Variants in CEP162 observed in about 807,000 individuals in gnomAD.
The protein encoded by CEP162 is centrosomal protein of 162 kDa.
Under a neutral mutation model 169.2 loss-of-function variants are expected in CEP162, and 141 were observed. The observed-to-expected ratio is 0.83, with a 90% CI of 0.73 to 0.96. The LOEUF is 0.96. CEP162 is among the 40% of genes least tolerant of loss of function. The pLI is 0.00. For missense variants in CEP162, 1,600 were observed against 1,587.2 expected, an observed-to-expected ratio of 1.01 and a Z score of -0.14; for synonymous variants, 540 against 526.4, an observed-to-expected ratio of 1.03 and a Z score of -0.35.
chr6:84,163,715 C>T (rs903167369), intron 18 of CEP162, among the ~76,000 whole-genome samples: 3 of 151,918 alleles, frequency 2.0e-5, no homozygotes, highest in Non-Finnish European at 4.4e-5. Context: ...CCTGTAATCT[C>T]AGTACTTTGG....
chr6:84,143,501 G>T (rs2129195423), intron 25 of CEP162, among the ~76,000 whole-genome samples: 1 of 152,102 alleles, frequency 6.6e-6, no homozygotes, highest in Middle Eastern at 3.4e-3. Flanking sequence ...TATGAGGAAT[G>T]AAGATGTGTT....
At chr6:84,189,746 G>A (rs1394635355) in intron 11 of CEP162, among the ~76,000 whole-genome samples, 2 of 152,252 alleles carry the variant, frequency 1.3e-5, no homozygotes, top group Non-Finnish European at 2.9e-5. Flanking sequence ...CAAGGGCTGA[G>A]GAATGCGAGC....
chr6:84,190,724 C>T (rs1185529715), intron 11 of CEP162, among the ~76,000 whole-genome samples: 3 of 152,196 alleles, frequency 2.0e-5, no homozygotes, highest in African/African-American at 4.8e-5. Flanking sequence ...ACTCCAGACG[C>T]GCCACCTTAA....
intron 21 of CEP162, among the ~76,000 whole-genome samples, chr6:84,159,522 T>TA (rs1491111318): frequency 0.035 from 2,612 of 74,526 alleles, 100 homozygotes; most frequent in Non-Finnish European, 0.043. Flanking sequence ...AAATTAATTA[T>TA]TTATATATAT....
intron 25 of CEP162, among the ~76,000 whole-genome samples, chr6:84,127,331 T>TA (rs1295707785): frequency 6.6e-6 from 1 of 152,070 alleles, no homozygotes; most frequent in Non-Finnish European, 1.5e-5. Flanking sequence ...ATACTAATAC[T>TA]AAAAAATCCC....
At position 84,182,956 on chromosome 6, in the gene CEP162, C is replaced by T. The variant is rs537543719; in HGVS notation, c.1663+2231G>A. On this transcript the variant is annotated intron_variant, in intron 13 of 26. Transcript: ENST00000403245. Reference sequence around the variant, plus strand: ...CTCAAACTCTGCTTCTTGGAGAACTCAACCTTTGACAAGTAACCACTATCC... The same window carrying T: ...CTCAAACTCTGCTTCTTGGAGAACTTAACCTTTGACAAGTAACCACTATCC... Among the ~76,000 whole-genome samples, 3 of 152,222 alleles carry T rather than the reference C, an allele frequency of 2.0e-5. No individual in the cohort carries two copies. The South Asian group carries it at 6.2e-4, about 32-fold the overall frequency.
chr6:84,226,207 G>T lies in CEP162; in HGVS notation c.57+130C>A, dbSNP rs1588907123. On this transcript the variant is annotated intron_variant, in intron 2 of 26. Coordinates refer to ENST00000403245, the MANE Select transcript of CEP162 (RefSeq NM_014895.4). Reference sequence around the variant, plus strand: ...ACTGAACTAGCAGTGGCAGAAAAGGGACAGGGCTAGAGGGATGATGGGAAT... The same window carrying T: ...ACTGAACTAGCAGTGGCAGAAAAGGTACAGGGCTAGAGGGATGATGGGAAT... The T allele has an allele frequency of 7.8e-6, 5 of 643,836 alleles. No homozygotes were observed. In the African/African-American group the frequency reaches 9.1e-5, roughly 12 times the overall value. The allele number at this position is 643,836 out of a possible 1,614,324, so 39.9% of individuals were successfully genotyped here.
chr6:84,136,477 A>G (rs189672689), intron 25 of CEP162, among the ~76,000 whole-genome samples: 63 of 152,354 alleles, frequency 4.1e-4, no homozygotes, highest in African/African-American at 1.5e-3. Context: ...CTGCTTGAAC[A>G]TCAACTAAAT....
rs376942380 is a variant in CEP162 at position 84,195,090 on chromosome 6, G to C, written c.836-15C>G. ...ATAAGAAACACCTGTTGAAATAAACGTAATCACCAGAAATAATTACATCAC... is the reference window on the plus strand; with the variant it reads ...ATAAGAAACACCTGTTGAAATAAACCTAATCACCAGAAATAATTACATCAC... On this transcript the variant is annotated splice_polypyrimidine_tract_variant and intron_variant, in intron 9 of 26. Coordinates refer to ENST00000403245, the MANE Select transcript of CEP162 (RefSeq NM_014895.4). 3 of 1,531,128 alleles carry C rather than the reference G, an allele frequency of 2.0e-6. No homozygotes were observed. In the African/African-American group the frequency reaches 4.2e-5, roughly 21 times the overall value. The allele number at this position is 1,531,128 out of a possible 1,614,324, so 94.8% of individuals were successfully genotyped here. A position where few individuals can be genotyped will look rare whatever the true frequency, so the allele number is the denominator to read the frequency against.
intron 17 of CEP162, among the ~76,000 whole-genome samples, chr6:84,170,911 G>T (rs985707126): frequency 6.6e-6 from 1 of 152,120 alleles, no homozygotes; most frequent in Non-Finnish European, 1.5e-5. Context: ...ACTTACAGGT[G>T]CTCCTTTAAA....
At chr6:84,143,351 T>C (rs1304638474) in intron 25 of CEP162, among the ~76,000 whole-genome samples, 3 of 152,016 alleles carry the variant, frequency 2.0e-5, no homozygotes, top group Non-Finnish European at 4.4e-5. Flanking sequence ...CATGGCTGCT[T>C]TGTAGTTTTC....
At position 84,153,059 on chromosome 6, in the gene CEP162, G is replaced by A. The variant is rs767547702; in HGVS notation, c.3115C>T (p.Gln1039Ter). 28 of 1,613,332 alleles carry A rather than the reference G, an allele frequency of 1.7e-5. No individual in the cohort carries two copies. In the East Asian group the frequency reaches 5.6e-4, roughly 32 times the overall value. The change falls in exon 23 of 27, where the codon CAG (glutamine) becomes TAG (stop). Residue 1039 changes from glutamine (Q) to a stop codon, truncating the protein, a stop_gained. Transcript: ENST00000403245. LOFTEE classifies it high-confidence loss of function. Reference sequence around the variant, plus strand: ...GCTTCAAGGTTTCTTACAGTGATCTGATGGGCTTCCTTGATGTCATCAAGT... The same window carrying A: ...GCTTCAAGGTTTCTTACAGTGATCTAATGGGCTTCCTTGATGTCATCAAGT... Reference protein sequence around the residue: ...KELDDIKEAHQITVRNLEAEI... With the variant: ...KELDDIKEAH
In CEP162 at chr6:84,215,793, T is replaced by C. The variant is rs760800790; in HGVS notation, c.302A>G (p.Asp101Gly). 1 of 1,589,980 alleles carries C rather than the reference T, an allele frequency of 6.3e-7. No homozygotes were observed. The highest frequency in any genetic ancestry group is 8.6e-7 in the Non-Finnish European group (1 of 1,166,334). Residue 101 changes from aspartate (D) to glycine (G), a missense_variant, in exon 4 of 27, where the codon GAT becomes GGT. Transcript: ENST00000403245. The part of the protein sequence containing the change: ...KSSGTSLLST[D>G]SLETNELVVS... ...TTTCTTACCATTTGTTTCTAAGCTATCAGTACTTAAGAGAGAGGTTCCACT... is the reference window on the plus strand; with the variant it reads ...TTTCTTACCATTTGTTTCTAAGCTACCAGTACTTAAGAGAGAGGTTCCACT...
chr6:84,203,734 G>A (rs1264511351), intron 7 of CEP162, among the ~76,000 whole-genome samples: 1 of 152,282 alleles, frequency 6.6e-6, no homozygotes, highest in Admixed American at 6.5e-5. Flanking sequence ...TTACAGGCAT[G>A]AACCACTGTG....
At chr6:84,167,762 C>A (rs2099528410) in intron 18 of CEP162, among the ~76,000 whole-genome samples, 1 of 152,114 alleles carries the variant, frequency 6.6e-6, no homozygotes, top group South Asian at 2.1e-4. Flanking sequence ...ATTGAACAAC[C>A]ATTAAAGTAT....
At chr6:84,182,289 G>C (rs13328272) in intron 13 of CEP162, among the ~76,000 whole-genome samples, 5,979 of 151,790 alleles carry the variant, frequency 0.039, 211 homozygotes, top group African/African-American at 0.098. Flanking sequence ...CTGTAATTTT[G>C]AATTTTAAAT....
intron 11 of CEP162, among the ~76,000 whole-genome samples, chr6:84,189,487 T>C (rs899012542): frequency 3.9e-5 from 6 of 152,190 alleles, no homozygotes; most frequent in East Asian, 3.9e-4. Flanking sequence ...CTGCTGGCCC[T>C]GGGCAATGGG....
chr6:84,168,649 G>A (rs1049111575), intron 18 of CEP162, among the ~76,000 whole-genome samples: 1 of 152,238 alleles, frequency 6.6e-6, no homozygotes, highest in South Asian at 2.1e-4. Flanking sequence ...ATAGTTCTTA[G>A]GGACAGGGAT....
Position 84,215,409 on chromosome 6 carries a change from CTAA to C in CEP162, c.373_375del (p.Leu125del). 1 of 1,611,058 alleles carries C rather than the reference CTAA, an allele frequency of 6.2e-7. No individual in the cohort carries two copies. The highest frequency in any genetic ancestry group is 8.5e-7 in the Non-Finnish European group (1 of 1,178,416). ...AATTGTTCTTTCTCCTCTTGTTCTT[CTAA>C]TGTGTCCAATCCCACTCCGAGACTA... On this transcript the variant is annotated inframe_deletion, in exon 5 of 27. Coordinates refer to ENST00000403245, the MANE Select transcript of CEP162 (RefSeq NM_014895.4).
Sources: allele counts gnomAD v4.1 joint callset (sites outside exome capture counted in the v4.1 genomes callset), GRCh38; gene constraint gnomAD v4.1.1; transcripts MANE v1.5; gene names NCBI Gene and HGNC (gene_info 2026-07-23, HGNC 2026-07-21).